Variants in FYB2 observed in about 807,000 individuals in gnomAD.
FYB2 encodes FYN binding protein 2.
FYB2 carries 103 observed loss-of-function variants against 94.1 expected under a neutral mutation model. The observed-to-expected ratio is 1.09, with a 90% CI of 0.93 to 1.29. FYB2 has a LOEUF of 1.29. Ranked by LOEUF, FYB2 falls within the 50% of genes most tolerant of loss-of-function variation. FYB2 has a pLI of 0.00. For synonymous variants in FYB2, 293 were observed against 287.9 expected (o/e 1.02, Z -0.18); for missense variants, 896 against 841.5 (o/e 1.06, Z -0.80).
intron 7 of FYB2, 36 bp from the exon 8 acceptor site, chr1:56,753,971 C>G (rs374598543): frequency 7.4e-7 from 1 of 1,346,554 alleles, no homozygotes; most frequent in Non-Finnish European, 1.1e-6. Context: ...AAAAATGAAG[C>G]TTAGAGTGTT....
At chr1:56,770,047 A>C (rs1365089304) in intron 4 of FYB2, among the ~76,000 whole-genome samples, 1 of 152,190 alleles carries the variant, frequency 6.6e-6, no homozygotes, top group Non-Finnish European at 1.5e-5. Context: ...GAGAAAGGGT[A>C]CACACGAATG....
At chr1:56,797,680 A>T (rs1343742909) in intron 1 of FYB2, among the ~76,000 whole-genome samples, 1 of 152,176 alleles carries the variant, frequency 6.6e-6, no homozygotes, top group East Asian at 1.9e-4. Flanking sequence ...TTCACATAGG[A>T]ACTGCCCCAT....
chr1:56,720,123 G>A, intron 18 of FYB2, 50 bp downstream of exon 18: 2 of 1,585,380 alleles, frequency 1.3e-6, no homozygotes, highest in Non-Finnish European at 1.7e-6. Context: ...AGCATTTTAA[G>A]ATTTTTTAAA....
chr1:56,775,960 T>C (rs1029753579), intron 4 of FYB2, among the ~76,000 whole-genome samples: 55 of 152,172 alleles, frequency 3.6e-4, no homozygotes, highest in African/African-American at 1.3e-3. Flanking sequence ...TTATCTCACA[T>C]AATCCTCTCA....
chr1:56,728,006 G>A (rs1254318836), intron 15 of FYB2, among the ~76,000 whole-genome samples: 3 of 152,048 alleles, frequency 2.0e-5, no homozygotes, highest in Non-Finnish European at 4.4e-5. Context: ...GGGCAACATA[G>A]TAAGACCTCA....
intron 9 of FYB2, among the ~76,000 whole-genome samples, chr1:56,749,822 A>G (rs1645153238): frequency 6.6e-6 from 1 of 152,052 alleles, no homozygotes; most frequent in Non-Finnish European, 1.5e-5. Flanking sequence ...CATCAAGGCA[A>G]AAGTTAGCTT....
At chr1:56,725,314 A>T (rs1460189816) in intron 16 of FYB2, among the ~76,000 whole-genome samples, 2 of 152,134 alleles carry the variant, frequency 1.3e-5, no homozygotes, top group African/African-American at 4.8e-5. Context: ...AATACTTCTT[A>T]CTTACTGTTA....
chr1:56,732,866 C>T (rs1269204532), intron 15 of FYB2, among the ~76,000 whole-genome samples: 1 of 151,840 alleles, frequency 6.6e-6, no homozygotes, highest in African/African-American at 2.4e-5. Flanking sequence ...ATGTAAGGCC[C>T]AAACCTCTAA....
Position 56,719,689 on chromosome 1 carries a change from A to T in FYB2, c.2169T>A (p.His723Gln). 1.3e-6 allele frequency: 2 copies of T among 1,591,958 alleles called. No individual in the cohort carries two copies. The highest frequency in any genetic ancestry group is 1.7e-6 in the Non-Finnish European group (2 of 1,166,086). Residue 723 changes from histidine (H) to glutamine (Q), a missense_variant, in exon 20 of 20, where the codon CAT becomes CAA. His to Gln is a conservative substitution (Grantham distance 24). Transcript: ENST00000343433. ...GATTTTTCTAAGGTGACCAACTTTG[A>T]TGCCTGTGAAAAAATAAAAATATGC... is the stretch of plus-strand genomic sequence containing the variant. ...YVLIEHLDFK[H>Q]QSWSP
At chr1:56,763,754 T>G (rs1645556288) in intron 5 of FYB2, among the ~76,000 whole-genome samples, 2 of 152,144 alleles carry the variant, frequency 1.3e-5, no homozygotes, top group African/African-American at 4.8e-5. Context: ...GAACACATCT[T>G]TAATTCCACT....
intron 12 of FYB2, among the ~76,000 whole-genome samples, chr1:56,741,432 T>G (rs1223783152): frequency 1.3e-5 from 2 of 152,096 alleles, no homozygotes; most frequent in African/African-American, 4.8e-5. Flanking sequence ...GATTTTTAAT[T>G]TACTGAATAA....
chr1:56,790,419 CAG>C (rs1314619196), intron 2 of FYB2, among the ~76,000 whole-genome samples: 1 of 152,220 alleles, frequency 6.6e-6, no homozygotes, highest in African/African-American at 2.4e-5. Flanking sequence ...TAATTGGGCT[CAG>C]AGTTTTTACC....
intron 2 of FYB2, among the ~76,000 whole-genome samples, 179 bp downstream of exon 2, chr1:56,791,877 A>G (rs1646273955): frequency 6.6e-6 from 1 of 151,970 alleles, no homozygotes; most frequent in Non-Finnish European, 1.5e-5. Context: ...CCAGGAGATT[A>G]AGCACTTTAC....
intron 5 of FYB2, among the ~76,000 whole-genome samples, chr1:56,763,544 G>A (rs1645550057): frequency 6.6e-6 from 1 of 152,076 alleles, no homozygotes; most frequent in Non-Finnish European, 1.5e-5. Flanking sequence ...GTGGAGAGTT[G>A]TTCATAATAT....
chr1:56,783,700 G>C (rs181825263), intron 4 of FYB2, among the ~76,000 whole-genome samples: 1 of 151,214 alleles, frequency 6.6e-6, no homozygotes, highest in Admixed American at 6.6e-5. Flanking sequence ...ACAAAGAAGC[G>C]TGTGTGTGTG....
intron 1 of FYB2, among the ~76,000 whole-genome samples, chr1:56,810,895 T>G (rs1425524210): frequency 6.6e-6 from 1 of 152,216 alleles, no homozygotes; most frequent in Non-Finnish European, 1.5e-5. Flanking sequence ...CTTTCCACGA[T>G]CCTTCACATC....
upstream of FYB2, among the ~76,000 whole-genome samples, chr1:56,822,339 T>C (rs117061659): frequency 6.2e-4 from 95 of 152,324 alleles, 2 homozygotes; most frequent in East Asian, 0.016. Flanking sequence ...TACAGAATCA[T>C]AAACTCACAG....
At chr1:56,765,550 T>A (rs1645601913) in intron 5 of FYB2, among the ~76,000 whole-genome samples, 1 of 152,170 alleles carries the variant, frequency 6.6e-6, no homozygotes, top group South Asian at 2.1e-4. Flanking sequence ...TTTTCTATGA[T>A]GTTTGGCTGG....
At chr1:56,740,847 G>A (rs980937958) in intron 12 of FYB2, 52 bp from the exon 13 acceptor site, 36 of 1,218,030 alleles carry the variant, frequency 3.0e-5, no homozygotes, top group Non-Finnish European at 4.1e-5. Flanking sequence ...GAGTACTAGA[G>A]ATAGAAGGCT....
Sources: allele counts gnomAD v4.1 joint callset (sites outside exome capture counted in the v4.1 genomes callset), GRCh38; gene constraint gnomAD v4.1.1; transcripts MANE v1.5; gene names NCBI Gene and HGNC (gene_info 2026-07-23, HGNC 2026-07-21).